Variants in CENPE observed in about 807,000 individuals in gnomAD.
CENPE encodes the protein centromere protein E, also known as centromere-associated protein E.
In CENPE, 145 loss-of-function variants were observed where a neutral mutation model predicts 336.1. The ratio of observed to expected loss-of-function variants is 0.43; its 90% confidence interval spans 0.38 to 0.50. The LOEUF is 0.50. Ranked by LOEUF, CENPE falls within the 20% of genes least tolerant of loss-of-function variation. The pLI, the probability that CENPE is intolerant of heterozygous loss-of-function variation, is 0.00. For missense variants in CENPE, 2,719 were observed against 3,023.3 expected, an observed-to-expected ratio of 0.90 and a Z score of 2.36; for synonymous variants, 1,013 against 984.8, an observed-to-expected ratio of 1.03 and a Z score of -0.54.
chr4:103,129,269 G>A (rs1005938968), intron 42 of CENPE, among the ~76,000 whole-genome samples: 1 of 152,242 alleles, frequency 6.6e-6, no homozygotes, highest in Admixed American at 6.5e-5. Context: ...GTTCAATGGT[G>A]AACTCTACCA....
chr4:103,120,478 T>C (rs1217835942), intron 43 of CENPE, 145 bp from the exon 44 acceptor site: 5 of 628,668 alleles, frequency 8.0e-6, no homozygotes, highest in East Asian at 3.0e-5. Context: ...CCAAACATCA[T>C]TCAATCTACA....
rs769069201 is a variant in CENPE at position 103,161,477 on chromosome 4, G to T, written c.1843-20C>A. 2.0e-6 allele frequency: 3 copies of T among 1,533,996 alleles called. No individual in the cohort carries two copies. The highest frequency in any genetic ancestry group is 2.2e-5 in the Admixed American group (1 of 44,972). On this transcript the variant is annotated intron_variant, in intron 18 of 48. Coordinates refer to ENST00000265148, the MANE Select transcript of CENPE (RefSeq NM_001813.3). ...GCTTTCCTAGACAGATGACAAAAGG[G>T]GTTCACTGAAATCTAATTTTCACAG...
At chr4:103,109,225 A>T (rs1749176202) in intron 47 of CENPE, 136 bp from the exon 48 acceptor site, 1 of 740,978 alleles carries the variant, frequency 1.3e-6, no homozygotes, top group Non-Finnish European at 2.0e-6. Context: ...TCACATTTAC[A>T]TTTTAATTTC....
At chr4:103,112,195 CATATA>C (rs930014066) in intron 46 of CENPE, among the ~76,000 whole-genome samples, 2 of 148,698 alleles carry the variant, frequency 1.3e-5, no homozygotes, top group African/African-American at 4.9e-5. Context: ...TATCCTGTAA[CATATA>C]ATATACAGAA....
At chr4:103,111,211 G>A (rs13114629) in intron 46 of CENPE, among the ~76,000 whole-genome samples, 200 bp from the exon 47 acceptor site, 3,824 of 152,182 alleles carry the variant, frequency 0.025, 80 homozygotes, top group Non-Finnish European at 0.037. Context: ...TATGCCTCTA[G>A]AATCCCCCTC....
chr4:103,166,765 G>A (rs559093330), intron 16 of CENPE, among the ~76,000 whole-genome samples: 42 of 152,016 alleles, frequency 2.8e-4, no homozygotes, highest in African/African-American at 9.9e-4. Context: ...TTTGAAGGGG[G>A]GATGTTCACG....
chr4:103,134,083 C>A lies in CENPE; in HGVS notation c.6523-191G>T, dbSNP rs377654406. ...TAGTATCTTAGGAGAATAACTAACT[C>A]CCAGACCTATAATTCCTTATTTCTG... On this transcript the variant is annotated intron_variant, in intron 40 of 48. Transcript: ENST00000265148. Among the ~76,000 whole-genome samples the A allele has an allele frequency of 5.3e-5, 8 of 152,268 alleles. No individual in the cohort carries two copies. The East Asian group carries it at 9.6e-4, about 18-fold the overall frequency.
At chr4:103,123,181 C>G in intron 42 of CENPE, 92 bp from the exon 43 acceptor site, 1 of 932,396 alleles carries the variant, frequency 1.1e-6, no homozygotes, top group Admixed American at 2.1e-5. Context: ...TTCAGTTACC[C>G]TCAGTCAAAA....
rs768911204 is a variant in CENPE at position 103,176,019 on chromosome 4, T to C, written c.1420A>G (p.Asn474Asp). Residue 474 changes from asparagine (N) to aspartate (D), a missense_variant, in exon 15 of 49, where the codon AAC (asparagine) becomes GAC (aspartate). Around this residue, in one of 5 missense-constraint regions of CENPE, gnomAD observed 2,437 missense variants for 2,513.3 expected, o/e 0.97. Coordinates refer to ENST00000265148, the MANE Select transcript of CENPE (RefSeq NM_001813.3). ...SVCSESDVFS[N>D]TLDTLSEIEW... is the part of the protein sequence containing the mutation. Reference sequence around the variant, plus strand: ...ATCTCACTTAATGTATCAAGAGTGTTACTGAAAACATCAGACTCTGAACAG... The same window carrying C: ...ATCTCACTTAATGTATCAAGAGTGTCACTGAAAACATCAGACTCTGAACAG... 6.2e-7 allele frequency: 1 copy of C among 1,604,790 alleles called. No individual in the cohort carries two copies. The highest frequency in any genetic ancestry group is 1.1e-5 in the South Asian group (1 of 89,084).
chr4:103,139,891 T>C lies in CENPE; in HGVS notation c.6102A>G (p.Ile2034Met), dbSNP rs1752388684. 4 of 1,613,230 alleles carry C rather than the reference T, an allele frequency of 2.5e-6. No homozygotes were observed. Among genetic ancestry groups the C allele is most frequent in the African/African-American group, 1.3e-5 (1 of 74,916 alleles). The change falls in exon 38 of 49, where the codon ATA (isoleucine) becomes ATG (methionine). Residue 2034 changes from isoleucine (I) to methionine (M), a missense_variant. By Grantham distance (10) the Ile-to-Met change is conservative. Around this residue, in one of 5 missense-constraint regions of CENPE, gnomAD observed 2,437 missense variants for 2,513.3 expected, o/e 0.97. Transcript: ENST00000265148. ...TKKLHESLEE[I>M]RIVAKERDEL... ...CATCTCTTTCTTTAGCTACAATTCT[T>C]ATTTCTTCAAGGCTTTCATGAAGTT...
intron 42 of CENPE, among the ~76,000 whole-genome samples, chr4:103,131,203 A>C (rs1398133237): frequency 6.6e-6 from 1 of 152,180 alleles, no homozygotes; most frequent in East Asian, 1.9e-4. Flanking sequence ...CTGATAAAAG[A>C]CCAATATTCA....
chr4:103,124,766 TC>T (rs1750946210), intron 42 of CENPE, among the ~76,000 whole-genome samples: 1 of 152,204 alleles, frequency 6.6e-6, no homozygotes, highest in South Asian at 2.1e-4. Context: ...ATCCCTAACT[TC>T]TTTGTGGCTT....
chr4:103,151,437 G>A, intron 25 of CENPE, 60 bp from the exon 26 acceptor site: 1 of 1,240,722 alleles, frequency 8.1e-7, no homozygotes, highest in South Asian at 1.7e-5. Context: ...ATGAAATCAG[G>A]TAAAACATCA....
At chr4:103,181,518 T>A in intron 11 of CENPE, 62 bp from the exon 12 acceptor site, 1 of 1,376,128 alleles carries the variant, frequency 7.3e-7, no homozygotes, top group Non-Finnish European at 9.8e-7. Flanking sequence ...ATTTAATTAA[T>A]AATATTTAGC....
At position 103,181,266 on chromosome 4, in the gene CENPE, C is replaced by G. The variant is rs887462361; in HGVS notation, c.1083+71G>C. 43 of 1,129,388 alleles carry G rather than the reference C, an allele frequency of 3.8e-5. No individual in the cohort carries two copies. In the African/African-American group the frequency reaches 6.7e-4, roughly 18 times the overall value. 70.0% of individuals were successfully genotyped at this position (1,129,388 alleles called of 1,614,324 possible). On this transcript the variant is annotated intron_variant, in intron 12 of 48. Transcript: ENST00000265148. Reference sequence around the variant, plus strand: ...TCAGATATTCAGGAATGAAGAGTCTCTGAGCATTTGGGCAGGTCTCCATTC... The same window carrying G: ...TCAGATATTCAGGAATGAAGAGTCTGTGAGCATTTGGGCAGGTCTCCATTC...
At chr4:103,167,916 G>C (rs576347455) in intron 16 of CENPE, among the ~76,000 whole-genome samples, 1 of 152,186 alleles carries the variant, frequency 6.6e-6, no homozygotes. Context: ...GGTCTTGGCA[G>C]TGGACCCAAA....
chr4:103,119,899 A>G (rs1262994460), intron 44 of CENPE, among the ~76,000 whole-genome samples: 2 of 152,124 alleles, frequency 1.3e-5, no homozygotes, highest in African/African-American at 2.4e-5. Flanking sequence ...ATATACACTA[A>G]ACTATAAACA....
intron 48 of CENPE, among the ~76,000 whole-genome samples, chr4:103,107,110 T>G (rs1233015058): frequency 6.6e-6 from 1 of 152,210 alleles, no homozygotes; most frequent in Non-Finnish European, 1.5e-5. Context: ...CTGGGTGTGG[T>G]AGCTAGCATG....
At position 103,145,086 on chromosome 4, in the gene CENPE, G is replaced by T; in HGVS notation, c.4821C>A (p.Asp1607Glu). The change falls in exon 32 of 49, where the codon GAC becomes GAA. Residue 1607 changes from aspartate (D) to glutamate (E), a missense_variant. Coordinates refer to ENST00000265148, the MANE Select transcript of CENPE (RefSeq NM_001813.3). ...TTTCTTTAGTGTTTTCTTTCAGTTG[G>T]TCTCTCTCTATCTGAAGGGCCTCCT... The part of the protein sequence containing the change: ...RVQEALQIER[D>E]QLKENTKEIV... The T allele has an allele frequency of 6.5e-7, 1 of 1,540,876 alleles. No individual in the cohort carries two copies. Among genetic ancestry groups the T allele is most frequent in the Non-Finnish European group, 8.7e-7 (1 of 1,148,774 alleles).
Sources: allele counts gnomAD v4.1 joint callset (sites outside exome capture counted in the v4.1 genomes callset), GRCh38; gene constraint gnomAD v4.1.1; regional missense constraint gnomAD v4.1.1; transcripts MANE v1.5; gene names NCBI Gene and HGNC (gene_info 2026-07-23, HGNC 2026-07-21).